PCDHA9: variants seen among roughly 807,000 people sequenced by gnomAD.
PCDHA9 encodes protocadherin alpha-9.
PCDHA9 carries 62 observed loss-of-function variants against 62.0 expected under a neutral mutation model. That is an observed-to-expected ratio of 1.00 (90% CI 0.81 to 1.23). The LOEUF is 1.23. Ranked by LOEUF, PCDHA9 falls within the 50% of genes most tolerant of loss-of-function variation. The pLI is 0.00. For missense variants in PCDHA9, 1,205 were observed against 1,249.8 expected, an observed-to-expected ratio of 0.96 and a Z score of 0.54; for synonymous variants, 557 against 567.6, an observed-to-expected ratio of 0.98 and a Z score of 0.27.
chr5:140,941,316 T>C (rs1479003076), intron 1 of PCDHA9, among the ~76,000 whole-genome samples: 1 of 135,480 alleles, frequency 7.4e-6, no homozygotes, highest in African/African-American at 2.7e-5. Flanking sequence ...TTTTCTTCTT[T>C]CTCTTTTTTT....
At chr5:140,921,868 T>C (rs1037750056) in intron 1 of PCDHA9, among the ~76,000 whole-genome samples, 1 of 152,016 alleles carries the variant, frequency 6.6e-6, no homozygotes, top group Non-Finnish European at 1.5e-5. Context: ...ATATATACAG[T>C]ATATATATAA....
intron 1 of PCDHA9, chr5:140,870,380 C>T (rs373356425): frequency 1.3e-5 from 21 of 1,614,064 alleles, no homozygotes; most frequent in East Asian, 2.2e-5. Flanking sequence ...GTGGTGACTG[C>T]GCGGGATGGG....
chr5:140,930,567 C>T (rs1192022171), intron 1 of PCDHA9: 11 of 152,480 alleles, frequency 7.2e-5, no homozygotes, highest in African/African-American at 2.2e-4. Context: ...TGAAGCAATT[C>T]TACGGTATTA....
chr5:140,952,798 G>T (rs1554220633), intron 1 of PCDHA9, among the ~76,000 whole-genome samples: 1 of 152,138 alleles, frequency 6.6e-6, no homozygotes, highest in African/African-American at 2.4e-5. Flanking sequence ...TAACTGGCTC[G>T]CAGTTCTGCA....
At chr5:140,853,031 A>G (rs2150527488) in intron 1 of PCDHA9, 7 of 259,886 alleles carry the variant, frequency 2.7e-5, no homozygotes, top group Non-Finnish European at 4.4e-5. Flanking sequence ...GGCGCCTGCC[A>G]CCATGCCCGC....
chr5:140,871,056 G>A (rs1554165039), intron 1 of PCDHA9: 1 of 1,613,234 alleles, frequency 6.2e-7, no homozygotes, highest in African/African-American at 1.3e-5. Context: ...TACTGGTGAA[G>A]GATCACGGTG....
intron 1 of PCDHA9, among the ~76,000 whole-genome samples, chr5:140,880,149 A>G (rs1347832078): frequency 1.3e-5 from 2 of 152,266 alleles, no homozygotes; most frequent in Non-Finnish European, 2.9e-5. Flanking sequence ...AGTGCAATAT[A>G]TCAAGTATAT....
rs144630020 is a variant in PCDHA9, at chr5:140,849,710, C to T, written c.1215C>T (p.Tyr405=). 88 of 1,598,490 alleles carry T rather than the reference C, an allele frequency of 5.5e-5. 7 individuals carry two copies. Among genetic ancestry groups the T allele is most frequent in the Middle Eastern group, 1.7e-4 (1 of 5,908 alleles). The part of the protein sequence containing the change: ...FKLVSTYKNY[Y]SLVLDRALDR... ...TGGTGTCCACCTACAAGAATTACTA[C>T]TCGTTGGTGCTGGACAGAGCTCTGG... Residue 405 remains tyrosine (Y), a synonymous_variant, in exon 1 of 4, where the codon TAC becomes TAT. Transcript: ENST00000532602.
intron 1 of PCDHA9, chr5:140,871,672 T>C (rs2053253410): frequency 2.6e-6 from 3 of 1,153,066 alleles, no homozygotes; most frequent in Non-Finnish European, 3.6e-6. Flanking sequence ...AGTCTTTTAA[T>C]CATATGAATA....
At chr5:140,868,202 A>C (rs1401388364) in intron 1 of PCDHA9, 1 of 152,188 alleles carries the variant, frequency 6.6e-6, no homozygotes, top group Non-Finnish European at 1.5e-5. Flanking sequence ...GGCTTACATT[A>C]GAAATAATAT....
In PCDHA9 at chr5:140,969,065, A is replaced by G. The variant is rs1554231418; in HGVS notation, c.2395-9884A>G. 4.3e-6 allele frequency: 7 copies of G among 1,614,188 alleles called. No individual in the cohort carries two copies. The East Asian group carries it at 1.6e-4, about 36-fold the overall frequency. On this transcript the variant is annotated intron_variant, in intron 1 of 3. Coordinates refer to ENST00000532602, the MANE Select transcript of PCDHA9 (RefSeq NM_031857.2). ...ACAAGCCAACAACAATATTGATGCC[A>G]GGATACCGCATGGCCTCAAAGTGCA...
intron 1 of PCDHA9, chr5:140,862,954 T>C (rs781926222): frequency 1.5e-5 from 8 of 542,620 alleles, no homozygotes; most frequent in Non-Finnish European, 2.2e-5. Flanking sequence ...TGGTGCGGTA[T>C]TCAGTGGATG....
chr5:140,875,291 T>C, intron 1 of PCDHA9: 2 of 1,397,914 alleles, frequency 1.4e-6, no homozygotes, highest in Non-Finnish European at 1.9e-6. Flanking sequence ...AACAGGAAAA[T>C]TTTTTTCTCC....
rs1404110882 is a variant in PCDHA9 at position 140,968,973 on chromosome 5, C to A, written c.2395-9976C>A. On this transcript the variant is annotated intron_variant, in intron 1 of 3. Transcript: ENST00000532602. ...ATCATCAAGTGCTACCGCTACACTG[C>A]GTATGGCACTGCATGCTGTGGAGGC... is the stretch of plus-strand genomic sequence containing the variant. The A allele has an allele frequency of 6.2e-7, 1 of 1,614,194 alleles. No homozygotes were observed. The highest frequency in any genetic ancestry group is 1.3e-5 in the African/African-American group (1 of 75,044).
At chr5:140,851,854 G>A (rs1187203228) in intron 1 of PCDHA9, 1 of 972,298 alleles carries the variant, frequency 1.0e-6, no homozygotes, top group East Asian at 1.1e-4. Flanking sequence ...TCTCCTCTCA[G>A]CTCATACATA....
intron 1 of PCDHA9, chr5:140,857,829 G>A: frequency 1.9e-6 from 3 of 1,597,788 alleles, no homozygotes; most frequent in Non-Finnish European, 2.6e-6. Context: ...GCTAAGGTGC[G>A]CGCAGTGGAC....
At chr5:140,897,438 G>A (rs2066109195) in intron 1 of PCDHA9, among the ~76,000 whole-genome samples, 1 of 149,226 alleles carries the variant, frequency 6.7e-6, no homozygotes, top group African/African-American at 2.5e-5. Context: ...AACATGCAGT[G>A]TTTGGTTTTT....
At position 140,928,265 on chromosome 5, in the gene PCDHA9, A is replaced by G. The variant is rs1208273188; in HGVS notation, c.2395-50684A>G. ...CAGGAACTTTTCGTTGCTGAAAACA[A>G]TGGCCCTGGGGCCTCTCTAGGCCGA... On this transcript the variant is annotated intron_variant, in intron 1 of 3. Coordinates refer to ENST00000532602, the MANE Select transcript of PCDHA9 (RefSeq NM_031857.2). The G allele has an allele frequency of 3.1e-6, 5 of 1,614,188 alleles. No individual in the cohort carries two copies. In the South Asian group the frequency reaches 3.3e-5, roughly 11 times the overall value.
At chr5:140,941,150 G>T (rs894422349) in intron 1 of PCDHA9, among the ~76,000 whole-genome samples, 1 of 151,436 alleles carries the variant, frequency 6.6e-6, no homozygotes, top group Non-Finnish European at 1.5e-5. Context: ...TAGTTTGGAG[G>T]CCCCATAAGA....
Sources: allele counts gnomAD v4.1 joint callset (sites outside exome capture counted in the v4.1 genomes callset), GRCh38; gene constraint gnomAD v4.1.1; transcripts MANE v1.5; gene names NCBI Gene and HGNC (gene_info 2026-07-23, HGNC 2026-07-21).